TMEM245: variants seen among roughly 807,000 people sequenced by gnomAD.
TMEM245 encodes protein CG-2.
TMEM245 carries 69 observed loss-of-function variants against 101.2 expected under a neutral mutation model. That is an observed-to-expected ratio of 0.68 (90% CI 0.56 to 0.83). TMEM245 has a LOEUF of 0.83. Among genes scored for constraint, TMEM245 ranks in the 40% least tolerant of loss-of-function variants. The probability of loss-of-function intolerance (pLI) is 0.00; values close to 1 mark genes in which losing one functional copy is unlikely to be tolerated. For synonymous variants in TMEM245, 537 were observed against 449.8 expected, an observed-to-expected ratio of 1.19 and a Z score of -2.45; for missense variants, 1,075 against 1,092.8, an observed-to-expected ratio of 0.98 and a Z score of 0.23.
At position 109,086,028 on chromosome 9, in the gene TMEM245, A is replaced by T. The variant is rs746120667; in HGVS notation, c.1321-8T>A. The T allele has an allele frequency of 1.1e-5, 17 of 1,613,272 alleles. No homozygotes were observed. In the East Asian group the frequency reaches 2.5e-4, roughly 23 times the overall value. On this transcript the variant is annotated splice_polypyrimidine_tract_variant and splice_region_variant and intron_variant, in intron 6 of 17. Transcript: ENST00000374586. ...ATTTAGCCAGTGCCAGAGCTTGAGG[A>T]TAGGGGGTAAGGTGAGAAAGAGAAG...
intron 17 of TMEM245, among the ~76,000 whole-genome samples, chr9:109,025,502 G>C (rs1279726084): frequency 6.6e-6 from 1 of 152,172 alleles, no homozygotes; most frequent in Non-Finnish European, 1.5e-5. Context: ...AGTTCCTAAA[G>C]GACCACATTC....
chr9:109,060,281 T>C lies in TMEM245; in HGVS notation c.1722+73A>G. ...GAATGAAATCCCACTGTGAATATAA[T>C]CCTATCTAGTTGATGAGTCAATAAA... On this transcript the variant is annotated intron_variant, in intron 11 of 17. Coordinates refer to ENST00000374586, the MANE Select transcript of TMEM245 (RefSeq NM_032012.4). 6.5e-6 allele frequency: 7 copies of C among 1,085,244 alleles called. No homozygotes were observed. The South Asian group carries it at 8.7e-5, about 13-fold the overall frequency. 67.2% of individuals were successfully genotyped at this position (1,085,244 alleles called of 1,614,324 possible). A position where few individuals can be genotyped will look rare whatever the true frequency, so the allele number is the denominator to read the frequency against.
intron 17 of TMEM245, among the ~76,000 whole-genome samples, chr9:109,031,293 A>AT (rs1237530875): frequency 6.6e-6 from 1 of 152,184 alleles, no homozygotes; most frequent in African/African-American, 2.4e-5. Context: ...AAAATAAGAA[A>AT]TTTTTTTTAA....
chr9:109,047,955 T>A (rs910421013), intron 14 of TMEM245, among the ~76,000 whole-genome samples: 2 of 152,176 alleles, frequency 1.3e-5, no homozygotes, highest in Admixed American at 1.3e-4. Flanking sequence ...CAGAAAGATA[T>A]CACCTAGATA....
intron 8 of TMEM245, among the ~76,000 whole-genome samples, chr9:109,078,938 A>T (rs974890992): frequency 6.6e-6 from 1 of 152,146 alleles, no homozygotes; most frequent in African/African-American, 2.4e-5. Context: ...CTCATCTCCA[A>T]TTGGACTTGA....
At chr9:109,081,013 T>A in intron 7 of TMEM245, 70 bp from the exon 8 acceptor site, 2 of 1,002,040 alleles carry the variant, frequency 2.0e-6, no homozygotes, top group Non-Finnish European at 3.0e-6. Context: ...TACTCAATTG[T>A]CATAAAGACA....
At chr9:109,106,471 T>G (rs771217516) in intron 3 of TMEM245, 37 bp downstream of exon 3, 13 of 1,359,476 alleles carry the variant, frequency 9.6e-6, no homozygotes, top group Non-Finnish European at 6.1e-6. Context: ...CCAAAATACT[T>G]CAAAGAGTAG....
intron 14 of TMEM245, among the ~76,000 whole-genome samples, chr9:109,042,920 A>G (rs1338667658): frequency 1.4e-5 from 2 of 139,134 alleles, no homozygotes; most frequent in Non-Finnish European, 3.0e-5. Flanking sequence ...ATCCTGGCTC[A>G]TTGCAACCTC....
intron 12 of TMEM245, among the ~76,000 whole-genome samples, chr9:109,052,709 T>G (rs1390550667): frequency 6.6e-6 from 1 of 152,154 alleles, no homozygotes; most frequent in African/African-American, 2.4e-5. Flanking sequence ...AAAGAATAAA[T>G]GAACAATGCC....
intron 3 of TMEM245, among the ~76,000 whole-genome samples, chr9:109,105,809 T>G (rs1333517528): frequency 6.6e-6 from 1 of 152,104 alleles, no homozygotes; most frequent in South Asian, 2.1e-4. Flanking sequence ...TCTCGCTCTG[T>G]TGCCAGGCTG....
intron 3 of TMEM245, among the ~76,000 whole-genome samples, chr9:109,102,789 T>A (rs992199293): frequency 2.9e-4 from 44 of 152,266 alleles, no homozygotes; most frequent in Non-Finnish European, 1.5e-5. Flanking sequence ...TAAAACATAC[T>A]GCAGCTAGTA....
chr9:109,088,815 CAA>C (rs772216738), intron 5 of TMEM245, among the ~76,000 whole-genome samples: 11,480 of 66,280 alleles, frequency 0.17, 377 homozygotes, highest in African/African-American at 0.24. Context: ...GACTACATCT[CAA>C]AAAAAAAAAA....
intron 8 of TMEM245, among the ~76,000 whole-genome samples, chr9:109,077,019 ATTG>A (rs1411323105): frequency 6.6e-6 from 1 of 151,814 alleles, no homozygotes; most frequent in African/African-American, 2.4e-5. Flanking sequence ...TATTGAACAT[ATTG>A]TTTATTCTGG....
intron 1 of TMEM245, among the ~76,000 whole-genome samples, chr9:109,114,016 C>T (rs1442896483): frequency 6.6e-6 from 1 of 152,098 alleles, no homozygotes; most frequent in Non-Finnish European, 1.5e-5. Context: ...GCAGAGGTTG[C>T]GGTGAGCCGA....
Position 109,050,400 on chromosome 9 carries a change from A to G in TMEM245, c.2006T>C (p.Leu669Pro). 12 of 1,614,148 alleles carry G rather than the reference A, an allele frequency of 7.4e-6. No homozygotes were observed. The highest frequency in any genetic ancestry group is 1.0e-5 in the Non-Finnish European group (12 of 1,180,028). Residue 669 changes from leucine (L) to proline (P), a missense_variant, in exon 14 of 18, where the codon CTA (leucine) becomes CCA (proline). This residue lies in a region of TMEM245 where 267 missense variants were observed against 351.3 expected (regional missense o/e 0.76). Transcript: ENST00000374586. ...LIIFLTTLFYLLSSSDEYYKP... is the reference protein window; with the variant it reads ...LIIFLTTLFYPLSSSDEYYKP... ...GTAGTACTCATCACTGGAACTTAAT[A>G]GATAAAATAGTGTGGTCAGGAAAAT...
chr9:109,064,686 A>C, intron 9 of TMEM245, 119 bp from the exon 10 acceptor site: 1 of 709,126 alleles, frequency 1.4e-6, no homozygotes. Flanking sequence ...TCACCAATAC[A>C]CAGATACCAA....
At chr9:109,101,611 G>T (rs1487395847) in intron 3 of TMEM245, among the ~76,000 whole-genome samples, 2 of 152,184 alleles carry the variant, frequency 1.3e-5, no homozygotes, top group Non-Finnish European at 2.9e-5. Flanking sequence ...AGGGATTCTA[G>T]ATCAATAATC....
intron 5 of TMEM245, among the ~76,000 whole-genome samples, chr9:109,089,409 G>C (rs1371790549): frequency 6.6e-6 from 1 of 152,160 alleles, no homozygotes; most frequent in Non-Finnish European, 1.5e-5. Context: ...TAATGGTCTA[G>C]AAGGTAAATG....
intron 10 of TMEM245, among the ~76,000 whole-genome samples, chr9:109,062,230 C>G (rs930146133): frequency 6.6e-6 from 1 of 151,994 alleles, no homozygotes; most frequent in African/African-American, 2.4e-5. Flanking sequence ...GGTCTGGGCT[C>G]AAGTGATCCT....
Sources: allele counts gnomAD v4.1 joint callset (sites outside exome capture counted in the v4.1 genomes callset), GRCh38; gene constraint gnomAD v4.1.1; regional missense constraint gnomAD v4.1.1; transcripts MANE v1.5; gene names NCBI Gene and HGNC (gene_info 2026-07-23, HGNC 2026-07-21).